MVB12B: variants seen among roughly 807,000 people sequenced by gnomAD.
MVB12B encodes the protein ESCRT-I complex subunit MVB12B.
MVB12B carries 16 observed loss-of-function variants against 41.6 expected under a neutral mutation model. The ratio of observed to expected loss-of-function variants is 0.38; its 90% confidence interval spans 0.26 to 0.58. MVB12B has a LOEUF of 0.58. Among genes scored for constraint, MVB12B ranks in the 20% least tolerant of loss-of-function variants. The pLI, the probability that MVB12B is intolerant of heterozygous loss-of-function variation, is 0.62. For missense variants in MVB12B, 274 were observed against 380.2 expected, an observed-to-expected ratio of 0.72 and a Z score of 2.32; for synonymous variants, 133 against 139.7, an observed-to-expected ratio of 0.95 and a Z score of 0.34.
At chr9:126,380,499 A>T (rs1315044220) in intron 2 of MVB12B, among the ~76,000 whole-genome samples, 1 of 152,194 alleles carries the variant, frequency 6.6e-6, no homozygotes, top group Non-Finnish European at 1.5e-5. Context: ...ATCCTGATCC[A>T]GTTTCTCACC....
intron 1 of MVB12B, among the ~76,000 whole-genome samples, chr9:126,329,441 G>A (rs1829067699): frequency 6.6e-6 from 1 of 152,172 alleles, no homozygotes; most frequent in Non-Finnish European, 1.5e-5. Context: ...TGCGGGGAGA[G>A]CATTAAGAAA....
chr9:126,409,299 CTGTGTGTGTGTGTGTGTGTGTGTGTG>C (rs61211126), intron 6 of MVB12B, among the ~76,000 whole-genome samples: 2 of 138,028 alleles, frequency 1.4e-5, no homozygotes, highest in East Asian at 2.1e-4. Flanking sequence ...GTGAGTAACT[CTGTGTGTGTGTGTGTGTGTGTGTGTG>C]TGTGTGTGTG....
intron 1 of MVB12B, among the ~76,000 whole-genome samples, chr9:126,327,916 C>T (rs1829029468): frequency 1.3e-5 from 2 of 152,200 alleles, no homozygotes; most frequent in Non-Finnish European, 2.9e-5. Flanking sequence ...ACTCCGATTG[C>T]TGCCACAAAA....
At chr9:126,472,962 T>A (rs577600799) in intron 7 of MVB12B, among the ~76,000 whole-genome samples, 36 of 149,702 alleles carry the variant, frequency 2.4e-4, no homozygotes, top group African/African-American at 8.6e-4. Flanking sequence ...CCACCAAAAA[T>A]AAAAAAAAAA....
rs908855455 is a variant in MVB12B, at chr9:126,506,662, A to AGGCCTGGC, written c.*3400_*3407dup. 1.3e-5 allele frequency: 2 copies of AGGCCTGGC among 152,370 alleles called. No homozygotes were observed. The highest frequency in any genetic ancestry group is 4.8e-5 in the African/African-American group (2 of 41,478). The allele number at this position is 152,370 out of a possible 1,614,324, so 9.4% of individuals were successfully genotyped here. A position where few individuals can be genotyped will look rare whatever the true frequency, so the allele number is the denominator to read the frequency against. ...GGAGGGCCTTGAGGAAGCAGCCCCC[A>AGGCCTGGC]GGCCTGGCAGCCACGCAGCGGCTGA... is the stretch of plus-strand genomic sequence containing the variant. On this transcript the variant is annotated 3_prime_UTR_variant, in exon 10 of 10. Coordinates refer to ENST00000361171, the MANE Select transcript of MVB12B (RefSeq NM_033446.3).
intron 9 of MVB12B, among the ~76,000 whole-genome samples, chr9:126,497,378 C>CA (rs887568542): frequency 1.3e-5 from 2 of 152,138 alleles, no homozygotes; most frequent in Non-Finnish European, 2.9e-5. Flanking sequence ...CGGGAGCCCT[C>CA]ACCCACCCCT....
In MVB12B at chr9:126,397,312, G is replaced by A. The variant is rs754693245; in HGVS notation, c.662+1615G>A. 20 of 985,340 alleles carry A rather than the reference G, an allele frequency of 2.0e-5. No individual in the cohort carries two copies. In the South Asian group the frequency reaches 3.3e-4, roughly 16 times the overall value. 61.0% of individuals were successfully genotyped at this position (985,340 alleles called of 1,614,324 possible). ...AGAGAGAGCTCTCAGAAGCCTGCTG[G>A]TGACTGTGAGAGCAAAGTCACTTGC... On this transcript the variant is annotated intron_variant, in intron 6 of 9. Coordinates refer to ENST00000361171, the MANE Select transcript of MVB12B (RefSeq NM_033446.3).
At chr9:126,462,319 G>GT (rs1833107233) in intron 7 of MVB12B, among the ~76,000 whole-genome samples, 1 of 152,176 alleles carries the variant, frequency 6.6e-6, no homozygotes. Context: ...TAAACACAGG[G>GT]TAATATTTTA....
At chr9:126,453,372 A>C (rs975474204) in intron 7 of MVB12B, among the ~76,000 whole-genome samples, 1 of 152,168 alleles carries the variant, frequency 6.6e-6, no homozygotes, top group Non-Finnish European at 1.5e-5. Context: ...GGAGCAGACC[A>C]GGGCCTGGCT....
At chr9:126,420,647 G>A (rs1588158266) in intron 6 of MVB12B, among the ~76,000 whole-genome samples, 2 of 133,434 alleles carry the variant, frequency 1.5e-5, no homozygotes, top group Admixed American at 1.8e-4. Flanking sequence ...GCAATGGCAT[G>A]AACTCAGCTC....
intron 7 of MVB12B, among the ~76,000 whole-genome samples, chr9:126,474,808 T>G (rs979145550): frequency 2.0e-5 from 3 of 152,166 alleles, no homozygotes; most frequent in Non-Finnish European, 4.4e-5. Context: ...TCGAACCTGA[T>G]GGCTGCTTCT....
intron 2 of MVB12B, among the ~76,000 whole-genome samples, chr9:126,370,729 T>C (rs1369218857): frequency 6.6e-6 from 1 of 152,094 alleles, no homozygotes; most frequent in Non-Finnish European, 1.5e-5. Flanking sequence ...CTATTGTCAC[T>C]GTGCACTGCT....
intron 2 of MVB12B, among the ~76,000 whole-genome samples, chr9:126,343,132 C>T (rs1344216261): frequency 6.6e-6 from 1 of 152,198 alleles, no homozygotes; most frequent in Non-Finnish European, 1.5e-5. Context: ...AATAACTTCC[C>T]TTCTCTCTGG....
intron 1 of MVB12B, chr9:126,335,154 T>G (rs968091502): frequency 2.3e-5 from 23 of 1,015,776 alleles, no homozygotes; most frequent in South Asian, 1.8e-4. Flanking sequence ...GCCCAACAAC[T>G]TAGCAGCCCT....
chr9:126,377,967 C>G (rs1181435073), intron 2 of MVB12B, among the ~76,000 whole-genome samples: 2 of 152,240 alleles, frequency 1.3e-5, no homozygotes, highest in Admixed American at 1.3e-4. Context: ...TGTTCGTGGG[C>G]TCCTGTGCCC....
At chr9:126,362,495 G>A (rs74640066) in intron 2 of MVB12B, among the ~76,000 whole-genome samples, 2,860 of 152,260 alleles carry the variant, frequency 0.019, 37 homozygotes, top group Non-Finnish European at 0.031. Context: ...AAAAGAAGAT[G>A]ATGTGTAGCT....
chr9:126,397,280 A>G lies in MVB12B; in HGVS notation c.662+1583A>G, dbSNP rs558403089. 50 of 985,484 alleles carry G rather than the reference A, an allele frequency of 5.1e-5. No individual in the cohort carries two copies. The East Asian group carries it at 9.1e-4, about 18-fold the overall frequency. 61.0% of individuals were successfully genotyped at this position (985,484 alleles called of 1,614,324 possible). A position where few individuals can be genotyped will look rare whatever the true frequency, so the allele number is the denominator to read the frequency against. Reference sequence around the variant, plus strand: ...AAAGAAAGAACACCAGTTCTCTCAGATAAAGCAGAGAGAGCTCTCAGAAGC... The same window carrying G: ...AAAGAAAGAACACCAGTTCTCTCAGGTAAAGCAGAGAGAGCTCTCAGAAGC... On this transcript the variant is annotated intron_variant, in intron 6 of 9. Transcript: ENST00000361171.
At chr9:126,405,966 A>T (rs1204953171) in intron 6 of MVB12B, among the ~76,000 whole-genome samples, 1 of 151,186 alleles carries the variant, frequency 6.6e-6, no homozygotes, top group Non-Finnish European at 1.5e-5. Flanking sequence ...ACAGAGATAG[A>T]TATATATGTA....
chr9:126,364,697 G>GACA (rs552525917), intron 2 of MVB12B, among the ~76,000 whole-genome samples: 223 of 152,316 alleles, frequency 1.5e-3, no homozygotes, highest in Non-Finnish European at 2.8e-3. Flanking sequence ...GACCCACCTT[G>GACA]AGGTTAATTG....
Sources: allele counts gnomAD v4.1 joint callset (sites outside exome capture counted in the v4.1 genomes callset), GRCh38; gene constraint gnomAD v4.1.1; transcripts MANE v1.5; gene names NCBI Gene and HGNC (gene_info 2026-07-23, HGNC 2026-07-21).